Variants in NRXN1 observed in about 807,000 individuals in gnomAD.
NRXN1 encodes the protein neurexin 1.
NRXN1 carries 39 observed loss-of-function variants against 150.9 expected under a neutral mutation model. The ratio of observed to expected loss-of-function variants is 0.26; its 90% CI spans 0.20 to 0.34. NRXN1 has a LOEUF of 0.34. Among genes scored for constraint, NRXN1 ranks in the 10% least tolerant of loss-of-function variants. The probability of loss-of-function intolerance (pLI) is 1.00; values close to 1 mark genes in which losing one functional copy is unlikely to be tolerated. For missense variants in NRXN1, 1,815 were observed against 1,949.9 expected (o/e 0.93, Z 1.30); for synonymous variants, 924 against 757.0 (o/e 1.22, Z -3.62).
intron 5 of NRXN1, among the ~76,000 whole-genome samples, chr2:50,750,407 G>A (rs1254308351): frequency 6.6e-6 from 1 of 151,744 alleles, no homozygotes; most frequent in African/African-American, 2.4e-5. Flanking sequence ...CTCACTAGTT[G>A]TTAAAAAGCA....
chr2:50,096,411 G>C (rs781518015), intron 18 of NRXN1, among the ~76,000 whole-genome samples: 1 of 152,074 alleles, frequency 6.6e-6, no homozygotes, highest in African/African-American at 2.4e-5. Context: ...GCAATAAAAC[G>C]TGCTAAACTT....
At chr2:50,759,375 A>G (rs1701532113) in intron 5 of NRXN1, among the ~76,000 whole-genome samples, 1 of 151,864 alleles carries the variant, frequency 6.6e-6, no homozygotes, top group Admixed American at 6.6e-5. Context: ...AAAGCCATGT[A>G]TCTTTTTATC....
At chr2:50,104,166 C>T (rs770694621) in intron 18 of NRXN1, among the ~76,000 whole-genome samples, 4 of 152,100 alleles carry the variant, frequency 2.6e-5, no homozygotes, top group Non-Finnish European at 4.4e-5. Flanking sequence ...GTACAAAAGA[C>T]ATCTACTTAA....
chr2:50,356,584 C>A (rs2078836574), intron 17 of NRXN1, among the ~76,000 whole-genome samples: 1 of 152,128 alleles, frequency 6.6e-6, no homozygotes, highest in Admixed American at 6.6e-5. Flanking sequence ...TTTATCTTGA[C>A]AGGTGTTAGT....
chr2:50,016,946 C>G (rs1686736704), intron 21 of NRXN1, among the ~76,000 whole-genome samples: 3 of 152,124 alleles, frequency 2.0e-5, no homozygotes, highest in African/African-American at 4.8e-5. Flanking sequence ...CCGTAAGTAA[C>G]AAAGAGCCTG....
chr2:50,863,844 A>G (rs1676489836), intron 5 of NRXN1, among the ~76,000 whole-genome samples: 1 of 152,034 alleles, frequency 6.6e-6, no homozygotes, highest in Non-Finnish European at 1.5e-5. Context: ...TTTGAGACAT[A>G]GGGCCTATGC....
intron 22 of NRXN1, among the ~76,000 whole-genome samples, chr2:49,933,494 G>A (rs1670501342): frequency 6.6e-6 from 1 of 152,136 alleles, no homozygotes; most frequent in Non-Finnish European, 1.5e-5. Context: ...CATTCCCACA[G>A]AATCTTAGAA....
intron 5 of NRXN1, among the ~76,000 whole-genome samples, chr2:50,806,275 T>C (rs2105731748): frequency 6.6e-6 from 1 of 152,262 alleles, no homozygotes; most frequent in Non-Finnish European, 1.5e-5. Context: ...GTTGGAGAAA[T>C]TACAGTTAAG....
chr2:50,791,314 C>CAAAA (rs60728323), intron 5 of NRXN1, among the ~76,000 whole-genome samples: 15,757 of 111,336 alleles, frequency 0.14, 1,337 homozygotes, highest in East Asian at 0.31. Flanking sequence ...CTGCTTGCTA[C>CAAAA]AAAAAAAAAA....
At chr2:51,005,356 T>C (rs887819759) in intron 2 of NRXN1, among the ~76,000 whole-genome samples, 2 of 152,046 alleles carry the variant, frequency 1.3e-5, no homozygotes, top group Admixed American at 1.3e-4. Context: ...ATATGTTTTA[T>C]GTACAATGAT....
At chr2:50,363,928 A>C (rs1301071255) in intron 17 of NRXN1, among the ~76,000 whole-genome samples, 1 of 152,240 alleles carries the variant, frequency 6.6e-6, no homozygotes, top group Admixed American at 6.5e-5. Flanking sequence ...GAATGAGTTC[A>C]TGTTCTTTGC....
chr2:50,084,645 A>AG (rs567850031), intron 19 of NRXN1, among the ~76,000 whole-genome samples: 359 of 152,288 alleles, frequency 2.4e-3, no homozygotes, highest in Non-Finnish European at 3.7e-3. Flanking sequence ...CATCCCAGGA[A>AG]GGGGCTCCCA....
chr2:50,043,169 T>A (rs141878565), intron 21 of NRXN1, among the ~76,000 whole-genome samples: 343 of 152,304 alleles, frequency 2.3e-3, no homozygotes, highest in Admixed American at 4.8e-3. Context: ...CAATGTAGAA[T>A]GCAAAGTTAT....
At chr2:50,211,179 T>C (rs966272719) in intron 18 of NRXN1, among the ~76,000 whole-genome samples, 1 of 151,672 alleles carries the variant, frequency 6.6e-6, no homozygotes, top group Admixed American at 6.6e-5. Flanking sequence ...TTATACCTTA[T>C]GTAAGAAAGC....
chr2:50,296,486 C>A (rs1228028647), intron 17 of NRXN1, among the ~76,000 whole-genome samples: 1 of 148,162 alleles, frequency 6.7e-6, no homozygotes, highest in Non-Finnish European at 1.5e-5. Flanking sequence ...TCACTTCCCT[C>A]TGCATATCCA....
rs139912641 is a variant in NRXN1 at position 50,718,940 on chromosome 2, G to A, written c.833-95325C>T. On this transcript the variant is annotated intron_variant, in intron 5 of 22. Coordinates refer to ENST00000401669, the MANE Select transcript of NRXN1 (RefSeq NM_001330078.2). ...ATTTCAAACCTCTGCTTTAGGATGC[G>A]TTGCAAATATGTTAGTTTGCATATA... 9.6e-4 allele frequency among the ~76,000 whole-genome samples: 145 copies of A among 151,318 alleles called. 2 individuals carry two copies. Among genetic ancestry groups the A allele is most frequent in the Non-Finnish European group, 8.1e-4 (55 of 67,850 alleles).
At chr2:51,006,037 A>G (rs528968630) in intron 2 of NRXN1, among the ~76,000 whole-genome samples, 29 of 151,918 alleles carry the variant, frequency 1.9e-4, no homozygotes, top group African/African-American at 6.5e-4. Context: ...GTAAAAAGAG[A>G]CAAATCTACA....
intron 18 of NRXN1, among the ~76,000 whole-genome samples, chr2:50,229,727 C>T (rs1046226316): frequency 3.9e-5 from 6 of 152,024 alleles, no homozygotes; most frequent in Non-Finnish European, 7.4e-5. Context: ...ATTGGTTACA[C>T]AGGAACTAAT....
chr2:50,135,329 T>C (rs1409237231), intron 18 of NRXN1, among the ~76,000 whole-genome samples: 7 of 152,220 alleles, frequency 4.6e-5, no homozygotes, highest in Non-Finnish European at 1.0e-4. Context: ...CGAAAGGTTT[T>C]AGGGGGAACC....
Sources: gnomAD v4.1 joint callset for allele counts (sites outside exome capture counted in the v4.1 genomes callset) on GRCh38, gnomAD v4.1.1 for gene constraint, MANE v1.5 for transcripts, NCBI Gene and HGNC (gene_info 2026-07-23, HGNC 2026-07-21) for gene names.